THOC5: variants seen among roughly 807,000 people sequenced by gnomAD.
THOC5 encodes Fms-interacting protein.
THOC5 carries 43 observed loss-of-function variants against 92.9 expected under a neutral mutation model. That is an observed-to-expected ratio of 0.46 (90% CI 0.36 to 0.60). The LOEUF is 0.60. THOC5 is among the 20% of genes least tolerant of loss of function. The pLI is 0.00. For missense variants in THOC5, 659 were observed against 849.4 expected (o/e 0.78, Z 2.79); for synonymous variants, 296 against 320.1 (o/e 0.92, Z 0.80).
chr22:29,521,384 A>G (rs1459187404), intron 12 of THOC5, among the ~76,000 whole-genome samples: 1 of 152,184 alleles, frequency 6.6e-6, no homozygotes, highest in Non-Finnish European at 1.5e-5. Context: ...GTGGCTTTAT[A>G]TTGTCTGATC....
At chr22:29,552,706 C>T (rs945575193) in intron 1 of THOC5, among the ~76,000 whole-genome samples, 18 of 150,380 alleles carry the variant, frequency 1.2e-4, no homozygotes, top group African/African-American at 4.4e-4. Flanking sequence ...GGTGAGGAGC[C>T]CCTCTGCCTG....
Position 29,549,069 on chromosome 22 carries a change from G to C in THOC5, c.79C>G (p.Arg27Gly). The C allele has an allele frequency of 6.2e-7, 1 of 1,614,098 alleles. No individual in the cohort carries two copies. The highest frequency in any genetic ancestry group is 2.2e-5 in the East Asian group (1 of 44,882). ...DGAPAEGKRNRSDTEQEGKYY... is the reference protein window; with the variant it reads ...DGAPAEGKRNGSDTEQEGKYY... ...GATCTCACCTGCTCGGTGTCAGATC[G>C]ATTCCGCTTTCCTTCAGCTGGGGCT... The change falls in exon 2 of 20, where the codon CGA becomes GGA. Residue 27 changes from arginine (R) to glycine (G), a missense_variant. Transcript: ENST00000490103.
Position 29,528,076 on chromosome 22 carries a change from AC to A in THOC5, c.1066+1del. 6.2e-7 allele frequency: 1 copy of A among 1,613,842 alleles called. No individual in the cohort carries two copies. Among genetic ancestry groups the A allele is most frequent in the Non-Finnish European group, 8.5e-7 (1 of 1,179,712 alleles). ...CCTTAAACAAGGTGAGTGCAACCAG[AC>A]CTTTGCACTTCAGGTCGAGCATGAC... is the stretch of plus-strand genomic sequence containing the variant. On this transcript the variant is annotated splice_donor_variant, in intron 11 of 19. Transcript: ENST00000490103. LOFTEE classifies it high-confidence loss of function.
At position 29,512,130 on chromosome 22, in the gene THOC5, A is replaced by T. The variant is rs768108084; in HGVS notation, c.1688T>A (p.Leu563Gln). 6.2e-6 allele frequency: 10 copies of T among 1,614,054 alleles called. No homozygotes were observed. The highest frequency in any genetic ancestry group is 1.7e-5 in the Admixed American group (1 of 60,014). The change falls in exon 18 of 20, where the codon CTG (leucine) becomes CAG (glutamine). Residue 563 changes from leucine (L) to glutamine (Q), a missense_variant. Coordinates refer to ENST00000490103, the MANE Select transcript of THOC5 (RefSeq NM_003678.5). ...MALIERGTAK[L>Q]QAAVVLNPGY... The stretch of plus-strand genomic sequence containing the variant: ...AGGGTTCAACACCACAGCGGCCTGC[A>T]GTTTGGCTGGGAAGAGAGGAGAGAG...
chr22:29,550,043 T>G, intron 1 of THOC5, among the ~76,000 whole-genome samples: 1 of 152,024 alleles, frequency 6.6e-6, no homozygotes, highest in Non-Finnish European at 1.5e-5. Context: ...CCTGGCAGAG[T>G]GCTCCATAAA....
chr22:29,540,570 G>A (rs1001701514), intron 5 of THOC5, among the ~76,000 whole-genome samples: 5 of 152,144 alleles, frequency 3.3e-5, no homozygotes, highest in Admixed American at 6.5e-5. Flanking sequence ...CCATGTGGCC[G>A]TCTGCCTCCC....
At chr22:29,537,503 G>T (rs2146527698) in intron 6 of THOC5, among the ~76,000 whole-genome samples, 1 of 152,300 alleles carries the variant, frequency 6.6e-6, no homozygotes, top group East Asian at 1.9e-4. Flanking sequence ...GCTGGGCACA[G>T]TGACATGCGC....
rs2063233120 is a variant in THOC5, at chr22:29,512,003, T to A, written c.1797+18A>T. 1 of 1,609,928 alleles carries A rather than the reference T, an allele frequency of 6.2e-7. No homozygotes were observed. The highest frequency in any genetic ancestry group is 1.3e-5 in the African/African-American group (1 of 74,846). Reference sequence around the variant, plus strand: ...GGAGCTCTGCCTGCTCCTCCTGTCATCCCCAGCTGGGTCTTACCCGAATGT... The same window carrying A: ...GGAGCTCTGCCTGCTCCTCCTGTCAACCCCAGCTGGGTCTTACCCGAATGT... On this transcript the variant is annotated intron_variant, in intron 18 of 19. Transcript: ENST00000490103.
At chr22:29,516,931 C>T (rs564781473) in intron 17 of THOC5, 98 bp downstream of exon 17, 12 of 1,126,320 alleles carry the variant, frequency 1.1e-5, no homozygotes, top group Middle Eastern at 2.0e-4. Context: ...TAAGTCCTTG[C>T]AGGACTCCAG....
At chr22:29,542,231 G>A (rs1171466440) in intron 5 of THOC5, among the ~76,000 whole-genome samples, 1 of 152,138 alleles carries the variant, frequency 6.6e-6, no homozygotes, top group Non-Finnish European at 1.5e-5. Flanking sequence ...AATGTGACTG[G>A]AAGTGAGTTG....
At chr22:29,539,056 A>G (rs138892304) in intron 6 of THOC5, among the ~76,000 whole-genome samples, 2 of 148,136 alleles carry the variant, frequency 1.4e-5, no homozygotes, top group African/African-American at 5.0e-5. Flanking sequence ...GTTGCAGTGA[A>G]CTGAGATCAC....
intron 17 of THOC5, among the ~76,000 whole-genome samples, chr22:29,514,256 A>G (rs940992664): frequency 6.6e-6 from 1 of 151,534 alleles, no homozygotes. Flanking sequence ...CTGTTCACCA[A>G]TTTTTAAATT....
chr22:29,511,051 G>A, intron 19 of THOC5, 55 bp downstream of exon 19: 1 of 1,564,274 alleles, frequency 6.4e-7, no homozygotes, highest in Non-Finnish European at 8.7e-7. Flanking sequence ...ATCTGGCTCT[G>A]ATCTCTGTCC....
chr22:29,530,010 G>T (rs999739606), intron 8 of THOC5, among the ~76,000 whole-genome samples: 6 of 152,128 alleles, frequency 3.9e-5, no homozygotes, highest in Non-Finnish European at 7.4e-5. Flanking sequence ...GTGTGTGGTG[G>T]CATGTGCCTG....
At chr22:29,546,534 A>G (rs2064024270) in intron 2 of THOC5, among the ~76,000 whole-genome samples, 1 of 121,724 alleles carries the variant, frequency 8.2e-6, no homozygotes, top group African/African-American at 3.4e-5. Context: ...GGTTCAGGCA[A>G]TTCTCCTGCC....
chr22:29,546,468 C>T (rs956629809), intron 2 of THOC5, among the ~76,000 whole-genome samples: 5 of 151,934 alleles, frequency 3.3e-5, no homozygotes, highest in African/African-American at 7.3e-5. Context: ...TCGGTCTTGT[C>T]GCCCAGGCTG....
At chr22:29,545,807 T>C (rs1434278325) in intron 2 of THOC5, among the ~76,000 whole-genome samples, 1 of 152,132 alleles carries the variant, frequency 6.6e-6, no homozygotes, top group Non-Finnish European at 1.5e-5. Flanking sequence ...TTCAGGTGCA[T>C]GGTGCAAGCC....
At position 29,506,777 on chromosome 22, in the gene THOC5, C is replaced by A. The variant is rs970443836; in HGVS notation, c.*1680G>T. 1 of 152,262 alleles carries A rather than the reference C, an allele frequency of 6.6e-6. No homozygotes were observed. The highest frequency in any genetic ancestry group is 6.5e-5 in the Admixed American group (1 of 15,274). 9.4% of individuals were successfully genotyped at this position (152,262 alleles called of 1,614,324 possible). On this transcript the variant is annotated 3_prime_UTR_variant, in exon 20 of 20. Transcript: ENST00000490103. ...ACCACTCTCGCCATCTCCATGAAAT[C>A]CTGTAAGACTTAGAATTACTCTCTG... is the stretch of plus-strand genomic sequence containing the variant.
chr22:29,543,625 A>C, intron 3 of THOC5, 83 bp from the exon 4 acceptor site: 4 of 983,594 alleles, frequency 4.1e-6, no homozygotes, highest in South Asian at 1.6e-5. Flanking sequence ...ACCCATCCTC[A>C]TCTGGGGCCA....
Sources: allele counts gnomAD v4.1 joint callset (sites outside exome capture counted in the v4.1 genomes callset), GRCh38; gene constraint gnomAD v4.1.1; transcripts MANE v1.5; gene names NCBI Gene and HGNC (gene_info 2026-07-23, HGNC 2026-07-21).